Variants in PDE3A observed in about 807,000 individuals in gnomAD.
PDE3A encodes cGMP-inhibited 3',5'-cyclic phosphodiesterase 3A.
A neutral mutation model predicts 98.3 loss-of-function variants in PDE3A; 43 were observed. The ratio of observed to expected loss-of-function variants is 0.44; its 90% CI spans 0.34 to 0.56. The LOEUF (loss-of-function observed/expected upper bound fraction) is 0.56, where lower values mean the gene tolerates loss of function less well. Among genes scored for constraint, PDE3A ranks in the 20% least tolerant of loss-of-function variants. The probability of loss-of-function intolerance (pLI) is 0.01; values close to 1 mark genes in which losing one functional copy is unlikely to be tolerated. For synonymous variants in PDE3A, 663 were observed against 567.9 expected (o/e 1.17, Z -2.38); for missense variants, 1,427 against 1,440.7 (o/e 0.99, Z 0.15).
At chr12:20,482,069 T>C (rs769022092) in intron 1 of PDE3A, among the ~76,000 whole-genome samples, 57 of 152,110 alleles carry the variant, frequency 3.7e-4, no homozygotes, top group Non-Finnish European at 6.8e-4. Flanking sequence ...CAGCGAGAAA[T>C]AGATATTTTT....
rs1021183939 is a variant in PDE3A at position 20,688,552 on chromosome 12, A to G, written c.*8281A>G. 2.6e-5 allele frequency among the ~76,000 whole-genome samples: 4 copies of G among 151,922 alleles called. No individual in the cohort carries two copies. Among genetic ancestry groups the G allele is most frequent in the African/African-American group, 9.7e-5 (4 of 41,388 alleles). Reference sequence around the variant, plus strand: ...ATCTATGTCGATGTTATGAGTGAAGATAATGTATAATATAAAAATAATTCT... The same window carrying G: ...ATCTATGTCGATGTTATGAGTGAAGGTAATGTATAATATAAAAATAATTCT... On this transcript the variant is annotated 3_prime_UTR_variant, in exon 16 of 16. Coordinates refer to ENST00000359062, the MANE Select transcript of PDE3A (RefSeq NM_000921.5).
intron 1 of PDE3A, chr12:20,371,405 C>T (rs1239777752): frequency 4.1e-6 from 4 of 983,404 alleles, no homozygotes; most frequent in Non-Finnish European, 4.8e-6. Context: ...TACATTTTTC[C>T]CTTTAAATTA....
chr12:20,421,598 T>TA (rs35898103), intron 1 of PDE3A, among the ~76,000 whole-genome samples: 1,642 of 114,982 alleles, frequency 0.014, 22 homozygotes, highest in African/African-American at 0.034. Context: ...TTATTGGTAA[T>TA]AAAAAAAAAA....
intron 1 of PDE3A, among the ~76,000 whole-genome samples, chr12:20,523,657 C>T (rs1382728862): frequency 6.6e-6 from 1 of 151,860 alleles, no homozygotes; most frequent in Non-Finnish European, 1.5e-5. Context: ...ATTTGAATAC[C>T]CTGAGCTGTT....
intron 15 of PDE3A, among the ~76,000 whole-genome samples, chr12:20,670,385 T>C (rs571337414): frequency 0.059 from 8,814 of 148,634 alleles, 552 homozygotes; most frequent in African/African-American, 0.16. Flanking sequence ...CCCAAATCAA[T>C]AGAATATACA....
chr12:20,448,600 G>A (rs1832451047), intron 1 of PDE3A, among the ~76,000 whole-genome samples: 1 of 152,034 alleles, frequency 6.6e-6, no homozygotes. Flanking sequence ...AACATGAATG[G>A]TTTCCTTCTC....
At chr12:20,396,582 A>T (rs1451910483) in intron 1 of PDE3A, among the ~76,000 whole-genome samples, 4 of 152,176 alleles carry the variant, frequency 2.6e-5, no homozygotes, top group Non-Finnish European at 5.9e-5. Flanking sequence ...AGCTTAGATG[A>T]TTGAGTATCA....
intron 1 of PDE3A, among the ~76,000 whole-genome samples, chr12:20,458,188 C>T (rs1226056367): frequency 6.6e-6 from 1 of 151,980 alleles, no homozygotes; most frequent in African/African-American, 2.4e-5. Flanking sequence ...GTGCTTGGTG[C>T]CTTTGTAGCT....
chr12:20,601,330 T>A (rs1943587171), intron 2 of PDE3A, among the ~76,000 whole-genome samples: 1 of 152,110 alleles, frequency 6.6e-6, no homozygotes. Flanking sequence ...GGCATTAACG[T>A]GGAAATGTTT....
chr12:20,665,782 G>A (rs1381985440), intron 15 of PDE3A, among the ~76,000 whole-genome samples: 2 of 151,958 alleles, frequency 1.3e-5, no homozygotes, highest in East Asian at 1.9e-4. Context: ...GTGCTCTTAT[G>A]TTATAGTTTT....
intron 1 of PDE3A, chr12:20,551,654 T>G: frequency 6.3e-7 from 1 of 1,597,352 alleles, no homozygotes; most frequent in Non-Finnish European, 8.5e-7. Flanking sequence ...GCCTTCCACA[T>G]CTACTGCCTG....
At chr12:20,413,347 G>T (rs1222083687) in intron 1 of PDE3A, among the ~76,000 whole-genome samples, 2 of 152,096 alleles carry the variant, frequency 1.3e-5, no homozygotes, top group Non-Finnish European at 2.9e-5. Context: ...TGTTGTTGCT[G>T]TTCTGTTTTG....
chr12:20,585,300 T>C (rs900079111), intron 2 of PDE3A, among the ~76,000 whole-genome samples: 4 of 152,210 alleles, frequency 2.6e-5, no homozygotes, highest in East Asian at 3.8e-4. Context: ...AATTGAAGCA[T>C]AGTTTAGGCT....
At chr12:20,659,238 T>C (rs1441487064) in intron 15 of PDE3A, among the ~76,000 whole-genome samples, 1 of 152,204 alleles carries the variant, frequency 6.6e-6, no homozygotes, top group Non-Finnish European at 1.5e-5. Context: ...ATTCTGTGTC[T>C]ATATGGTTCA....
chr12:20,616,582 G>C (rs961719054), intron 4 of PDE3A, among the ~76,000 whole-genome samples, 198 bp downstream of exon 4: 7 of 152,120 alleles, frequency 4.6e-5, no homozygotes, highest in Non-Finnish European at 1.0e-4. Flanking sequence ...TCTGTTGTGT[G>C]GCCTTATATA....
At chr12:20,514,499 C>A (rs1946281740) in intron 1 of PDE3A, among the ~76,000 whole-genome samples, 1 of 152,122 alleles carries the variant, frequency 6.6e-6, no homozygotes, top group Non-Finnish European at 1.5e-5. Flanking sequence ...GTTATCATTT[C>A]TAAAAGAACA....
chr12:20,668,175 C>T (rs1441853552), intron 15 of PDE3A, among the ~76,000 whole-genome samples: 4 of 152,338 alleles, frequency 2.6e-5, no homozygotes, highest in Admixed American at 6.5e-5. Context: ...AGATTATATC[C>T]CGCACCTGGC....
Position 20,681,184 on chromosome 12 carries a change from A to G in PDE3A, c.*913A>G, listed in dbSNP as rs943894073. ...AGCTCTATCACCAGCCTCAAACCCG[A>G]AAGACTGAGGCATTTTCCAGTCTAC... On this transcript the variant is annotated 3_prime_UTR_variant, in exon 16 of 16. Coordinates refer to ENST00000359062, the MANE Select transcript of PDE3A (RefSeq NM_000921.5). 2 of 152,166 alleles carry G rather than the reference A, an allele frequency of 1.3e-5. No homozygotes were observed. The highest frequency in any genetic ancestry group is 2.9e-5 in the Non-Finnish European group (2 of 68,076). 9.4% of individuals were successfully genotyped at this position (152,166 alleles called of 1,614,324 possible). A position where few individuals can be genotyped will look rare whatever the true frequency, so the allele number is the denominator to read the frequency against.
chr12:20,389,100 T>G (rs1822755), intron 1 of PDE3A, among the ~76,000 whole-genome samples: 10,742 of 152,072 alleles, frequency 0.071, 496 homozygotes, highest in Admixed American at 0.1. Flanking sequence ...TCACTTTTAC[T>G]CAATCATTCC....
Sources: gnomAD v4.1 joint callset for allele counts (sites outside exome capture counted in the v4.1 genomes callset) on GRCh38, gnomAD v4.1.1 for gene constraint, MANE v1.5 for transcripts, NCBI Gene and HGNC (gene_info 2026-07-23, HGNC 2026-07-21) for gene names.